The following PHLDB2 variants were observed in gnomAD, a reference collection of about 807,000 sequenced individuals.
The protein encoded by PHLDB2 is pleckstrin homology-like domain family B member 2.
A neutral mutation model predicts 123.6 loss-of-function variants in PHLDB2; 71 were observed. That is an observed-to-expected ratio of 0.57 (90% CI 0.47 to 0.70). PHLDB2 has a LOEUF of 0.70. PHLDB2 is among the 30% of genes least tolerant of loss of function. PHLDB2 has a pLI of 0.00. For missense variants in PHLDB2, 1,446 were observed against 1,519.5 expected (o/e 0.95, Z 0.80); for synonymous variants, 547 against 541.6 (o/e 1.01, Z -0.14).
intron 1 of PHLDB2, among the ~76,000 whole-genome samples, chr3:111,837,577 A>G (rs1044463672): frequency 6.6e-6 from 1 of 152,170 alleles, no homozygotes; most frequent in Non-Finnish European, 1.5e-5. Context: ...AATATGTCCC[A>G]TGGCTTGCTA....
intron 1 of PHLDB2, among the ~76,000 whole-genome samples, chr3:111,865,683 ATCC>A (rs1559874813): frequency 1.3e-5 from 2 of 152,122 alleles, no homozygotes; most frequent in African/African-American, 4.8e-5. Context: ...CTGGCAGCCT[ATCC>A]AGTGTTCTTT....
chr3:111,845,934 C>A, exon 2 of PHLDB2: 1 of 1,613,414 alleles, frequency 6.2e-7, no homozygotes, highest in Non-Finnish European at 8.5e-7. Context: ...TGCAACATTT[C>A]GGTGAGAACT....
intron 1 of PHLDB2, among the ~76,000 whole-genome samples, chr3:111,867,784 C>T (rs1014384320): frequency 5.3e-5 from 8 of 152,054 alleles, no homozygotes; most frequent in Non-Finnish European, 1.2e-4. Context: ...TTACTGCAGC[C>T]TTGGTTTCCT....
intron 1 of PHLDB2, among the ~76,000 whole-genome samples, chr3:111,878,612 G>A (rs899949635): frequency 4.6e-5 from 7 of 152,170 alleles, no homozygotes; most frequent in Admixed American, 6.5e-5. Context: ...GTGAGAGAAG[G>A]CATCGTTGTC....
intron 1 of PHLDB2, among the ~76,000 whole-genome samples, chr3:111,787,637 T>C (rs1212105033): frequency 6.6e-6 from 1 of 152,176 alleles, no homozygotes; most frequent in Non-Finnish European, 1.5e-5. Context: ...TTCTCTTCTG[T>C]GTTCTCTGGG....
intron 1 of PHLDB2, among the ~76,000 whole-genome samples, chr3:111,797,673 G>A (rs1261678488): frequency 6.6e-6 from 1 of 152,146 alleles, no homozygotes; most frequent in African/African-American, 2.4e-5. Flanking sequence ...ATGTTTACAA[G>A]CAACTTTCAC....
At chr3:111,787,891 C>A (rs2060758819) in intron 1 of PHLDB2, among the ~76,000 whole-genome samples, 1 of 152,124 alleles carries the variant, frequency 6.6e-6, no homozygotes, top group Non-Finnish European at 1.5e-5. Context: ...TTTAAATAAA[C>A]TTAGACTTTG....
Position 111,920,473 on chromosome 3 carries a change from G to A in PHLDB2, c.2001+54G>A, listed in dbSNP as rs1363377355. Reference sequence around the variant, plus strand: ...TTTTATGGGCAAAGTGGTGGTCCCAGTTGATTGAATTTAAATGTTGAATGC... The same window carrying A: ...TTTTATGGGCAAAGTGGTGGTCCCAATTGATTGAATTTAAATGTTGAATGC... On this transcript the variant is annotated intron_variant, in intron 5 of 17. Transcript: ENST00000431670. 3.8e-6 allele frequency: 6 copies of A among 1,578,754 alleles called. No homozygotes were observed. The African/African-American group carries it at 8.1e-5, about 21-fold the overall frequency.
At chr3:111,942,120 A>T (rs1439732554) in intron 8 of PHLDB2, among the ~76,000 whole-genome samples, 2 of 152,210 alleles carry the variant, frequency 1.3e-5, no homozygotes, top group African/African-American at 4.8e-5. Context: ...TTTTAGCCAA[A>T]ATAGAGAAAA....
intron 1 of PHLDB2, among the ~76,000 whole-genome samples, chr3:111,814,091 T>C (rs981739631): frequency 2.6e-5 from 4 of 152,204 alleles, no homozygotes; most frequent in Non-Finnish European, 5.9e-5. Flanking sequence ...TCCAAAACAG[T>C]GTATTCCAAA....
In PHLDB2 at chr3:111,884,731, G is replaced by A. The variant is rs142596980; in HGVS notation, c.654G>A (p.Ala218=). 6.2e-5 allele frequency: 100 copies of A among 1,614,060 alleles called. No individual in the cohort carries two copies. In the Middle Eastern group the frequency reaches 1.3e-3, roughly 21 times the overall value. ...ARKMSIQDSL[A]LQPKLTRHKE... is the part of the protein sequence containing the mutation. Reference sequence around the variant, plus strand: ...AAATGAGCATTCAGGACAGCCTGGCGCTTCAACCCAAGTTAACTAGACACA... The same window carrying A: ...AAATGAGCATTCAGGACAGCCTGGCACTTCAACCCAAGTTAACTAGACACA... The change falls in exon 2 of 18, where the codon GCG becomes GCA. Residue 218 remains alanine, a synonymous_variant. Coordinates refer to ENST00000431670, the MANE Select transcript of PHLDB2 (RefSeq NM_001134438.2).
At chr3:111,827,926 G>T (rs2062747247) in intron 1 of PHLDB2, among the ~76,000 whole-genome samples, 2 of 152,146 alleles carry the variant, frequency 1.3e-5, no homozygotes, top group Non-Finnish European at 2.9e-5. Flanking sequence ...CTGGCAGAAG[G>T]AGATAAAAAT....
intron 13 of PHLDB2, among the ~76,000 whole-genome samples, chr3:111,964,194 T>TGGAAAATGA (rs1181725228): frequency 1.7e-4 from 26 of 152,116 alleles, no homozygotes; most frequent in African/African-American, 6.0e-4. Context: ...AAAGCAACTG[T>TGGAAAATGA]GGAAAATGAT....
At chr3:111,928,278 G>C (rs1475858971) in intron 5 of PHLDB2, among the ~76,000 whole-genome samples, 1 of 152,196 alleles carries the variant, frequency 6.6e-6, no homozygotes, top group Non-Finnish European at 1.5e-5. Context: ...AATATTTTAA[G>C]AATAGTTTTT....
At chr3:111,853,408 T>C (rs1053366886) in intron 2 of PHLDB2, among the ~76,000 whole-genome samples, 4 of 152,178 alleles carry the variant, frequency 2.6e-5, no homozygotes, top group African/African-American at 9.7e-5. Context: ...AAAAAGAGTG[T>C]GTAAATTGGA....
chr3:111,872,221 T>C (rs2065373043), intron 1 of PHLDB2, among the ~76,000 whole-genome samples: 1 of 152,232 alleles, frequency 6.6e-6, no homozygotes, highest in East Asian at 1.9e-4. Flanking sequence ...CATTAAGGCC[T>C]TTGGGACTGT....
At position 111,962,193 on chromosome 3, in the gene PHLDB2, G is replaced by A; in HGVS notation, c.2958G>A (p.Leu986=). The change falls in exon 13 of 18, where the codon TTG becomes TTA. Residue 986 remains leucine (L), a synonymous_variant. Coordinates refer to ENST00000431670, the MANE Select transcript of PHLDB2 (RefSeq NM_001134438.2). Reference sequence around the variant, plus strand: ...CAGCATCTGAATCAAATGTCTACTTGAATAGTTTCCATTATCCAGATCACA... The same window carrying A: ...CAGCATCTGAATCAAATGTCTACTTAAATAGTTTCCATTATCCAGATCACA... The part of the protein sequence containing the change: ...NRTASESNVY[L]NSFHYPDHSY... The A allele has an allele frequency of 6.3e-7, 1 of 1,583,438 alleles. No homozygotes were observed. Among genetic ancestry groups the A allele is most frequent in the Non-Finnish European group, 8.5e-7 (1 of 1,171,434 alleles).
Position 111,883,908 on chromosome 3 carries a change from G to C in PHLDB2, c.-14-156G>C. On this transcript the variant is annotated intron_variant, in intron 1 of 17. Transcript: ENST00000431670. ...GATCTTTATTCTCCTTTAATTTGCT[G>C]TATGGTTTTAACAGGTTTTTTAGTA... 7.7e-6 allele frequency: 5 copies of C among 645,648 alleles called. No homozygotes were observed. In the South Asian group the frequency reaches 1.1e-4, roughly 14 times the overall value. The allele number at this position is 645,648 out of a possible 1,614,324, so 40.0% of individuals were successfully genotyped here. A position where few individuals can be genotyped will look rare whatever the true frequency, so the allele number is the denominator to read the frequency against.
At chr3:111,874,329 G>GT (rs1482775620) in intron 1 of PHLDB2, among the ~76,000 whole-genome samples, 2 of 152,126 alleles carry the variant, frequency 1.3e-5, no homozygotes, top group Non-Finnish European at 2.9e-5. Flanking sequence ...TCATAAATGT[G>GT]TTTTTCCCTT....
Sources: gnomAD v4.1 joint callset for allele counts (sites outside exome capture counted in the v4.1 genomes callset) on GRCh38, gnomAD v4.1.1 for gene constraint, MANE v1.5 for transcripts, NCBI Gene and HGNC (gene_info 2026-07-23, HGNC 2026-07-21) for gene names.